The following RFX7 variants were observed in gnomAD, a reference collection of about 807,000 sequenced individuals.
The protein encoded by RFX7 is DNA-binding protein RFX7.
RFX7 carries 26 observed loss-of-function variants against 111.8 expected under a neutral mutation model. The observed-to-expected ratio is 0.23, with a 90% confidence interval of 0.17 to 0.32. The LOEUF is 0.32. Ranked by LOEUF, RFX7 falls within the 10% of genes least tolerant of loss-of-function variation. The pLI, the probability that RFX7 is intolerant of heterozygous loss-of-function variation, is 1.00. For synonymous variants in RFX7, 624 were observed against 624.4 expected (o/e 1.00, Z 0.01); for missense variants, 1,573 against 1,772.9 (o/e 0.89, Z 2.02).
chr15:56,201,909 T>C (rs377272128), intron 2 of RFX7, among the ~76,000 whole-genome samples: 6 of 152,088 alleles, frequency 3.9e-5, no homozygotes, highest in African/African-American at 7.2e-5. Flanking sequence ...CGGGCGCCTA[T>C]AGTCCCAGCT....
At position 56,142,796 on chromosome 15, in the gene RFX7, T is replaced by C; in HGVS notation, c.383A>G (p.Glu128Gly). Residue 128 changes from glutamate to glycine, a missense_variant, in exon 5 of 10, where the codon GAA becomes GGA. Coordinates refer to ENST00000559447, the MANE Select transcript of RFX7 (RefSeq NM_022841.7). ...EHPETSLPKQ[E>G]VYDEYKSYCD... ...TACTTACTTGTACTCATCATAGACT[T>C]CCTGTTTGGGCAGTGAAGTCTCCGG... is the stretch of plus-strand genomic sequence containing the variant. The C allele has an allele frequency of 6.2e-7, 1 of 1,613,436 alleles. No individual in the cohort carries two copies. Among genetic ancestry groups the C allele is most frequent in the East Asian group, 2.2e-5 (1 of 44,876 alleles).
At chr15:56,171,071 A>G (rs1333792522) in intron 3 of RFX7, among the ~76,000 whole-genome samples, 1 of 152,234 alleles carries the variant, frequency 6.6e-6, no homozygotes, top group Admixed American at 6.5e-5. Context: ...GCAGAAAAAG[A>G]GTTGCAGTAT....
chr15:56,147,045 G>C (rs2141035409), intron 3 of RFX7, among the ~76,000 whole-genome samples: 1 of 152,212 alleles, frequency 6.6e-6, no homozygotes, highest in Admixed American at 6.5e-5. Context: ...GTATCATGTG[G>C]CAAGTATGTT....
chr15:56,139,367 C>A (rs2042354163), intron 5 of RFX7, among the ~76,000 whole-genome samples: 2 of 152,110 alleles, frequency 1.3e-5, no homozygotes, highest in Admixed American at 1.3e-4. Context: ...TCATTCATTT[C>A]ATCATCCATC....
At chr15:56,103,509 G>A (rs2041786876) in intron 6 of RFX7, 45 bp downstream of exon 6, 2 of 1,217,994 alleles carry the variant, frequency 1.6e-6, no homozygotes, top group Admixed American at 2.2e-5. Flanking sequence ...TCTATAACAA[G>A]TGAGAACACA....
chr15:56,162,982 T>C (rs1282823710), intron 3 of RFX7, among the ~76,000 whole-genome samples: 5 of 152,150 alleles, frequency 3.3e-5, no homozygotes, highest in African/African-American at 1.2e-4. Flanking sequence ...ACAAAATAAA[T>C]GTGATCTTCT....
chr15:56,168,788 G>T (rs372361932), intron 3 of RFX7, among the ~76,000 whole-genome samples: 3 of 152,126 alleles, frequency 2.0e-5, no homozygotes, highest in Non-Finnish European at 2.9e-5. Context: ...AAGAAAGCCC[G>T]TTTGCCCTTC....
At chr15:56,136,553 C>T (rs1337933263) in intron 5 of RFX7, among the ~76,000 whole-genome samples, 1 of 145,644 alleles carries the variant, frequency 6.9e-6, no homozygotes, top group Non-Finnish European at 1.5e-5. Flanking sequence ...ACAATCATGT[C>T]GTCTGCAAAC....
intron 5 of RFX7, among the ~76,000 whole-genome samples, chr15:56,110,399 C>T (rs1237558064): frequency 8.4e-6 from 1 of 118,900 alleles, no homozygotes; most frequent in Non-Finnish European, 1.8e-5. Flanking sequence ...CCCGGCCAGC[C>T]GCCCCGTCCG....
At chr15:56,100,201 T>C (rs182163001) in intron 8 of RFX7, among the ~76,000 whole-genome samples, 1 of 152,218 alleles carries the variant, frequency 6.6e-6, no homozygotes, top group African/African-American at 2.4e-5. Flanking sequence ...GTCTATAAAT[T>C]GGGAATAAAT....
At chr15:56,152,435 A>ACC (rs374344411) in intron 3 of RFX7, among the ~76,000 whole-genome samples, 1 of 152,344 alleles carries the variant, frequency 6.6e-6, no homozygotes, top group Admixed American at 6.5e-5. Flanking sequence ...AAACTGAACA[A>ACC]CCTGCTCCTG....
At chr15:56,146,119 A>G (rs556989682) in intron 3 of RFX7, among the ~76,000 whole-genome samples, 38 of 152,224 alleles carry the variant, frequency 2.5e-4, no homozygotes, top group African/African-American at 8.7e-4. Flanking sequence ...GTTTTTTTTA[A>G]GAGAGTCTCA....
In RFX7 at chr15:56,181,638, T is replaced by A. The variant is rs192918918; in HGVS notation, c.162-2335A>T. On this transcript the variant is annotated intron_variant, in intron 2 of 9. Transcript: ENST00000559447. ...TGGAAAGACTGGGACCACTTAAGAA[T>A]GAGTTTTTATATAAATTAGTATGAA... Among the ~76,000 whole-genome samples, 12 of 152,318 alleles carry A rather than the reference T, an allele frequency of 7.9e-5. No homozygotes were observed. The East Asian group carries it at 2.3e-3, about 29-fold the overall frequency.
rs575297510 is a variant in RFX7 at position 56,127,636 on chromosome 15, C to A, written c.401+15142G>T. 2.6e-5 allele frequency among the ~76,000 whole-genome samples: 4 copies of A among 151,334 alleles called. No individual in the cohort carries two copies. In the East Asian group the frequency reaches 7.8e-4, roughly 30 times the overall value. On this transcript the variant is annotated intron_variant, in intron 5 of 9. Coordinates refer to ENST00000559447, the MANE Select transcript of RFX7 (RefSeq NM_022841.7). ...GATCTCGACTCACTGCAAGCTCCAC[C>A]TCCCAGGTTCATGCCATTCTCCTGC...
chr15:56,160,309 T>G (rs1186104754), intron 3 of RFX7, among the ~76,000 whole-genome samples: 1 of 152,038 alleles, frequency 6.6e-6, no homozygotes, highest in African/African-American at 2.4e-5. Context: ...TGTCCATAAT[T>G]AGTCCATGAA....
At chr15:56,207,648 A>C (rs1253117920) in intron 2 of RFX7, among the ~76,000 whole-genome samples, 1 of 152,186 alleles carries the variant, frequency 6.6e-6, no homozygotes, top group Non-Finnish European at 1.5e-5. Context: ...ATCCATAGAA[A>C]GAAAAACTGA....
Position 56,103,655 on chromosome 15 carries a change from A to AT in RFX7, c.416dup (p.Asn139LysfsTer11). Reference sequence around the variant, plus strand: ...CAGCACTTAATGGATGGTAACCAAGATTGTCACAATAGCTCCTGCAAAAGA... The same window carrying AT: ...CAGCACTTAATGGATGGTAACCAAGATTTGTCACAATAGCTCCTGCAAAAGA... On this transcript the variant is annotated frameshift_variant, in exon 6 of 10. Transcript: ENST00000559447. LOFTEE classifies it high-confidence loss of function. The AT allele has an allele frequency of 6.3e-7, 1 of 1,593,160 alleles. No individual in the cohort carries two copies. The highest frequency in any genetic ancestry group is 8.6e-7 in the Non-Finnish European group (1 of 1,168,362).
At chr15:56,140,731 G>C (rs570282111) in intron 5 of RFX7, among the ~76,000 whole-genome samples, 16 of 152,018 alleles carry the variant, frequency 1.1e-4, no homozygotes, top group South Asian at 2.1e-4. Flanking sequence ...TGATGTTTTG[G>C]GTCTCTTTTG....
In RFX7 at chr15:56,231,499, C is replaced by T. The variant is rs2043557375; in HGVS notation, c.161+11626G>A. Among the ~76,000 whole-genome samples the T allele has an allele frequency of 2.0e-5, 3 of 152,094 alleles. No homozygotes were observed. In the South Asian group the frequency reaches 6.2e-4, roughly 32 times the overall value. ...TGAGACTTATTCACTACCATGAGAA[C>T]AGTATGGGGGAAAATCGTCCCATGA... On this transcript the variant is annotated intron_variant, in intron 2 of 9. Transcript: ENST00000559447.
Sources: gnomAD v4.1 joint callset for allele counts (sites outside exome capture counted in the v4.1 genomes callset) on GRCh38, gnomAD v4.1.1 for gene constraint, MANE v1.5 for transcripts, NCBI Gene and HGNC (gene_info 2026-07-23, HGNC 2026-07-21) for gene names.